MACROD2: variants seen among roughly 807,000 people sequenced by gnomAD.
MACROD2 encodes mono-ADP ribosylhydrolase 2, also known as ADP-ribose glycohydrolase MACROD2.
In MACROD2, 36 loss-of-function variants were observed where a neutral mutation model predicts 70.4. The ratio of observed to expected loss-of-function variants is 0.51; its 90% CI spans 0.39 to 0.68. The LOEUF is 0.68. MACROD2 is among the 30% of genes least tolerant of loss of function. The pLI is 0.00. For synonymous variants in MACROD2, 172 were observed against 178.8 expected, an observed-to-expected ratio of 0.96 and a Z score of 0.30; for missense variants, 496 against 538.4, an observed-to-expected ratio of 0.92 and a Z score of 0.78.
At chr20:15,521,845 G>T (rs1002138298) in intron 8 of MACROD2, among the ~76,000 whole-genome samples, 17 of 152,166 alleles carry the variant, frequency 1.1e-4, no homozygotes, top group African/African-American at 3.9e-4. Context: ...TTTCTTTGGA[G>T]CACAATTTAC....
At chr20:14,473,796 T>A (rs1383926371) in intron 3 of MACROD2, among the ~76,000 whole-genome samples, 1 of 152,198 alleles carries the variant, frequency 6.6e-6, no homozygotes, top group African/African-American at 2.4e-5. Flanking sequence ...TTTCTTCACA[T>A]CCTTGCCAGC....
At chr20:16,010,947 A>G (rs1438130996) in intron 15 of MACROD2, among the ~76,000 whole-genome samples, 1 of 152,236 alleles carries the variant, frequency 6.6e-6, no homozygotes, top group African/African-American at 2.4e-5. Flanking sequence ...TGCTTTTCAC[A>G]TGGTGAAAAT....
intron 5 of MACROD2, among the ~76,000 whole-genome samples, chr20:15,098,654 A>G (rs971126016): frequency 2.0e-5 from 3 of 152,234 alleles, no homozygotes; most frequent in Non-Finnish European, 2.9e-5. Context: ...TCCTAAGATT[A>G]TACTTTAGAA....
At chr20:16,024,099 C>G (rs938107368) in intron 15 of MACROD2, among the ~76,000 whole-genome samples, 1 of 152,170 alleles carries the variant, frequency 6.6e-6, no homozygotes. Context: ...TTAATTGCGG[C>G]ATTGATTAAT....
intron 3 of MACROD2, among the ~76,000 whole-genome samples, chr20:14,470,987 A>AG (rs1402389505): frequency 2.0e-5 from 3 of 152,146 alleles, no homozygotes; most frequent in Admixed American, 2.0e-4. Flanking sequence ...AAACTCTTGC[A>AG]GGTAGCTCGG....
At chr20:16,002,426 T>A (rs1193668816) in intron 15 of MACROD2, among the ~76,000 whole-genome samples, 2 of 152,084 alleles carry the variant, frequency 1.3e-5, no homozygotes, top group Non-Finnish European at 2.9e-5. Flanking sequence ...TCCTGGAGTG[T>A]CCAGGTGAGC....
At chr20:15,105,242 G>C (rs1477633022) in intron 5 of MACROD2, among the ~76,000 whole-genome samples, 2 of 152,006 alleles carry the variant, frequency 1.3e-5, no homozygotes, top group East Asian at 1.9e-4. Flanking sequence ...GGCTCTATTT[G>C]TAAATGGTTG....
chr20:16,018,846 G>T (rs2066964626), intron 15 of MACROD2, among the ~76,000 whole-genome samples: 1 of 152,062 alleles, frequency 6.6e-6, no homozygotes, highest in Non-Finnish European at 1.5e-5. Flanking sequence ...TTCCTTTGTG[G>T]CTAGGTGTCT....
At chr20:14,159,115 G>A (rs1028348540) in intron 3 of MACROD2, among the ~76,000 whole-genome samples, 12 of 152,222 alleles carry the variant, frequency 7.9e-5, no homozygotes, top group African/African-American at 2.9e-4. Context: ...ATGGGTGCCT[G>A]TAATCCCAGC....
intron 8 of MACROD2, among the ~76,000 whole-genome samples, chr20:15,695,386 A>C (rs775800105): frequency 1.3e-5 from 2 of 148,826 alleles, no homozygotes; most frequent in Non-Finnish European, 3.0e-5. Context: ...GTAGTCTTTG[A>C]TTTCTTTCTT....
At chr20:15,822,526 CTATTATCTTT>C (rs1216825212) in intron 8 of MACROD2, among the ~76,000 whole-genome samples, 1 of 152,036 alleles carries the variant, frequency 6.6e-6, no homozygotes, top group African/African-American at 2.4e-5. Context: ...GTGCAATTTA[CTATTATCTTT>C]TATGGATAGA....
At chr20:14,286,618 T>C (rs2082347099) in intron 3 of MACROD2, among the ~76,000 whole-genome samples, 1 of 152,138 alleles carries the variant, frequency 6.6e-6, no homozygotes, top group South Asian at 2.1e-4. Flanking sequence ...GTAGATTTTG[T>C]TTTTCTGCCT....
In MACROD2 at chr20:15,574,482, T is replaced by A. The variant is rs1005268164; in HGVS notation, c.645+74635T>A. 8.5e-5 allele frequency among the ~76,000 whole-genome samples: 13 copies of A among 152,176 alleles called. No homozygotes were observed. The East Asian group carries it at 2.5e-3, about 29-fold the overall frequency. On this transcript the variant is annotated intron_variant, in intron 8 of 17. Coordinates refer to ENST00000684519, the MANE Select transcript of MACROD2 (RefSeq NM_001351661.2). ...AATTTCTTAATATTTATATGAAGAA[T>A]GTAGACAAGCACTAATGGTGTTTTG...
At chr20:14,737,276 C>T (rs754507550) in intron 5 of MACROD2, among the ~76,000 whole-genome samples, 2 of 152,142 alleles carry the variant, frequency 1.3e-5, no homozygotes, top group African/African-American at 2.4e-5. Context: ...CTGCAAAGGA[C>T]GTGAACTCAT....
chr20:14,202,504 A>G (rs2081487452), intron 3 of MACROD2, among the ~76,000 whole-genome samples: 1 of 152,254 alleles, frequency 6.6e-6, no homozygotes, highest in Admixed American at 6.5e-5. Flanking sequence ...ATCAAAGACA[A>G]CATAATTACT....
intron 5 of MACROD2, among the ~76,000 whole-genome samples, chr20:14,720,583 CTCG>C (rs1224841745): frequency 1.3e-5 from 1 of 77,246 alleles, no homozygotes; most frequent in East Asian, 4.0e-4. Context: ...GAGGCAGAGT[CTCG>C]CTCTGTTGCC....
chr20:14,855,614 T>TG (rs1189601309), intron 5 of MACROD2, among the ~76,000 whole-genome samples: 2 of 147,772 alleles, frequency 1.4e-5, no homozygotes, highest in Non-Finnish European at 3.0e-5. Flanking sequence ...TTTTTTTTTT[T>TG]TTTTTTTTTT....
At chr20:15,381,198 T>G (rs1393036068) in intron 6 of MACROD2, among the ~76,000 whole-genome samples, 1 of 152,104 alleles carries the variant, frequency 6.6e-6, no homozygotes, top group Admixed American at 6.6e-5. Context: ...TTCATACATG[T>G]GTGTATCCAT....
intron 5 of MACROD2, among the ~76,000 whole-genome samples, chr20:14,844,968 T>A (rs1209388157): frequency 6.6e-6 from 1 of 152,118 alleles, no homozygotes; most frequent in Non-Finnish European, 1.5e-5. Context: ...TCTGCCTTTG[T>A]CCATGGCCTT....
Sources: gnomAD v4.1 joint callset for allele counts (sites outside exome capture counted in the v4.1 genomes callset) on GRCh38, gnomAD v4.1.1 for gene constraint, MANE v1.5 for transcripts, NCBI Gene and HGNC (gene_info 2026-07-23, HGNC 2026-07-21) for gene names.